Variants in COL23A1 observed in about 807,000 individuals in gnomAD.
COL23A1 encodes collagen alpha-1(XXIII) chain.
In COL23A1, 97 loss-of-function variants were observed where a neutral mutation model predicts 99.3. The ratio of observed to expected loss-of-function variants is 0.98; its 90% CI spans 0.83 to 1.16. COL23A1 has a LOEUF of 1.16. COL23A1 is among the 50% of genes most tolerant of loss of function. The pLI, the probability that COL23A1 is intolerant of heterozygous loss-of-function variation, is 0.00. For synonymous variants in COL23A1, 320 were observed against 308.2 expected (o/e 1.04, Z -0.40); for missense variants, 762 against 757.4 (o/e 1.01, Z -0.07).
intron 2 of COL23A1, among the ~76,000 whole-genome samples, chr5:178,375,338 G>A (rs1561916005): frequency 2.0e-5 from 3 of 152,190 alleles, no homozygotes; most frequent in Admixed American, 6.5e-5. Context: ...GTCCTAAAAC[G>A]GACATCTCTC....
chr5:178,334,374 C>T (rs183690975), intron 2 of COL23A1, among the ~76,000 whole-genome samples: 2 of 152,362 alleles, frequency 1.3e-5, no homozygotes, highest in Admixed American at 1.3e-4. Context: ...TGCCCTTTTG[C>T]CGAAAGAAAT....
chr5:178,529,945 T>C (rs1399058708), intron 2 of COL23A1, among the ~76,000 whole-genome samples: 2 of 152,240 alleles, frequency 1.3e-5, no homozygotes, highest in African/African-American at 2.4e-5. Context: ...AGGTATTGTT[T>C]ACTTTTAAGA....
rs546766154 is a variant in COL23A1 at position 178,400,493 on chromosome 5, A to G, written c.362-93574T>C. On this transcript the variant is annotated intron_variant, in intron 2 of 28. Transcript: ENST00000390654. Reference sequence around the variant, plus strand: ...AGCCCCAAACTCCCTCGTCCTCTGTAGGAGGATCTGTTCTCTGTTTCTATA... The same window carrying G: ...AGCCCCAAACTCCCTCGTCCTCTGTGGGAGGATCTGTTCTCTGTTTCTATA... 1.1e-4 allele frequency among the ~76,000 whole-genome samples: 17 copies of G among 150,562 alleles called. No homozygotes were observed. In the East Asian group the frequency reaches 2.9e-3, roughly 26 times the overall value.
chr5:178,460,739 T>G (rs1756074778), intron 2 of COL23A1, among the ~76,000 whole-genome samples: 1 of 152,144 alleles, frequency 6.6e-6, no homozygotes, highest in African/African-American at 2.4e-5. Context: ...CCTGTTCCCC[T>G]GGCATGCATG....
intron 2 of COL23A1, among the ~76,000 whole-genome samples, chr5:178,319,426 T>C (rs1345414516): frequency 6.6e-6 from 1 of 152,078 alleles, no homozygotes; most frequent in African/African-American, 2.4e-5. Flanking sequence ...AAAAGGTCAT[T>C]CGTGTGAGCT....
At chr5:178,257,500 C>A (rs191580396) in intron 13 of COL23A1, 23 bp downstream of exon 13, 36 of 1,564,198 alleles carry the variant, frequency 2.3e-5, no homozygotes, top group Non-Finnish European at 3.0e-5. Context: ...CAGGGGGCCA[C>A]GAGAGGAGGG....
intron 2 of COL23A1, among the ~76,000 whole-genome samples, chr5:178,458,168 T>TAAAAACAGAACTCAGTGGA (rs1755903335): frequency 4.1e-3 from 11 of 2,676 alleles, no homozygotes; most frequent in Non-Finnish European, 6.7e-3. Context: ...GCGATTGACC[T>TAAAAACAGAACTCAGTGGA]CACTTCTGGA....
At chr5:178,496,615 G>A (rs1049956774) in intron 2 of COL23A1, among the ~76,000 whole-genome samples, 6 of 152,106 alleles carry the variant, frequency 3.9e-5, no homozygotes, top group Non-Finnish European at 7.3e-5. Flanking sequence ...GAGCTATTTA[G>A]GTAGATATGC....
intron 2 of COL23A1, among the ~76,000 whole-genome samples, chr5:178,509,951 C>T (rs1386312803): frequency 1.3e-5 from 2 of 152,146 alleles, no homozygotes; most frequent in African/African-American, 2.4e-5. Flanking sequence ...GTAAAGCTCA[C>T]GGGGGGCTGA....
intron 2 of COL23A1, among the ~76,000 whole-genome samples, chr5:178,514,957 G>GTTCCAA (rs1436741748): frequency 6.6e-6 from 1 of 152,232 alleles, no homozygotes; most frequent in Admixed American, 6.5e-5. Context: ...TTCTGCTGAG[G>GTTCCAA]TTCCAACTTA....
At chr5:178,318,590 G>C (rs1296176140) in intron 2 of COL23A1, among the ~76,000 whole-genome samples, 2 of 152,220 alleles carry the variant, frequency 1.3e-5, no homozygotes, top group East Asian at 3.9e-4. Flanking sequence ...AGGAAGGGGA[G>C]GGGTGGGGCG....
chr5:178,261,583 T>C (rs959991263), intron 11 of COL23A1, 139 bp downstream of exon 11: 4 of 660,054 alleles, frequency 6.1e-6, no homozygotes, highest in African/African-American at 1.8e-5. Flanking sequence ...AACTTGCCCA[T>C]GGTCCAGGAA....
chr5:178,365,413 C>T lies in COL23A1; in HGVS notation c.362-58494G>A, dbSNP rs1049138210. ...AGCTTCCCACTGGCCTCCTCCCTCC[C>T]GGACACTCACGCATTTCAGGTCTGA... On this transcript the variant is annotated intron_variant, in intron 2 of 28. Coordinates refer to ENST00000390654, the MANE Select transcript of COL23A1 (RefSeq NM_173465.4). This position sits in a 1 kb window ranked among gnomAD's most constrained non-coding sequence, Gnocchi z 5.2. Among the ~76,000 whole-genome samples the T allele has an allele frequency of 2.0e-5, 3 of 152,084 alleles. No homozygotes were observed. The highest frequency in any genetic ancestry group is 6.5e-5 in the Admixed American group (1 of 15,272).
At position 178,581,223 on chromosome 5, in the gene COL23A1, C is replaced by T. The variant is rs139800283; in HGVS notation, c.294+8681G>A. ...AATTTCATAATGGTCCCACAGCTTC[C>T]GAATACCACAGGAGGAGAAACCTGT... On this transcript the variant is annotated intron_variant, in intron 1 of 28. Coordinates refer to ENST00000390654, the MANE Select transcript of COL23A1 (RefSeq NM_173465.4). Among the ~76,000 whole-genome samples the T allele has an allele frequency of 6.2e-4, 94 of 152,284 alleles. 1 individual carries two copies. Among genetic ancestry groups the T allele is most frequent in the Non-Finnish European group, 4.1e-4 (28 of 68,028 alleles).
At chr5:178,505,160 T>C (rs977618792) in intron 2 of COL23A1, among the ~76,000 whole-genome samples, 8 of 152,168 alleles carry the variant, frequency 5.3e-5, no homozygotes, top group African/African-American at 1.2e-4. Context: ...CTCGAAATCG[T>C]GGCGTTCCTT....
Position 178,291,910 on chromosome 5 carries a change from G to C in COL23A1, c.407-1541C>G, listed in dbSNP as rs540254838. On this transcript the variant is annotated intron_variant, in intron 3 of 28. Coordinates refer to ENST00000390654, the MANE Select transcript of COL23A1 (RefSeq NM_173465.4). ...GGGGACAGTGCTTTCCCCAAGTCTA[G>C]ATCAGGGCGGAACAGAGCAAGATGC... Among the ~76,000 whole-genome samples, 9 of 152,214 alleles carry C rather than the reference G, an allele frequency of 5.9e-5. No homozygotes were observed. The South Asian group carries it at 1.5e-3, about 25-fold the overall frequency.
intron 2 of COL23A1, chr5:178,523,560 C>T (rs1216295442): frequency 6.6e-6 from 1 of 152,122 alleles, no homozygotes; most frequent in Non-Finnish European, 1.5e-5. Context: ...CTCCAAAGCT[C>T]TGCGCCTGTC....
rs117604973 is a variant in COL23A1 at position 178,240,767 on chromosome 5, G to C, written c.1581+1275C>G. On this transcript the variant is annotated intron_variant, in intron 27 of 28. Coordinates refer to ENST00000390654, the MANE Select transcript of COL23A1 (RefSeq NM_173465.4). ...GGAACAGAGGCCAGAGGTCTGGGAG[G>C]GGGTCTCTAACTCTGGCACCGCTGG... is the stretch of plus-strand genomic sequence containing the variant. 5.8e-4 allele frequency among the ~76,000 whole-genome samples: 89 copies of C among 152,332 alleles called. No homozygotes were observed. In the East Asian group the frequency reaches 0.015, roughly 25 times the overall value.
rs771683953 is a variant in COL23A1, at chr5:178,309,014, C to T, written c.362-2095G>A. On this transcript the variant is annotated intron_variant, in intron 2 of 28. Transcript: ENST00000390654. The surrounding 1 kb of genome is among the most constrained non-coding windows in gnomAD (Gnocchi z 4.7). Reference sequence around the variant, plus strand: ...GCTCGGCCCAGCGAAGCAGTAGGCCCCGGGCCCCAGGCAGAGTGAGGGGGC... The same window carrying T: ...GCTCGGCCCAGCGAAGCAGTAGGCCTCGGGCCCCAGGCAGAGTGAGGGGGC... Among the ~76,000 whole-genome samples, 2 of 152,198 alleles carry T rather than the reference C, an allele frequency of 1.3e-5. No homozygotes were observed. The highest frequency in any genetic ancestry group is 2.9e-5 in the Non-Finnish European group (2 of 68,028).
Sources: gnomAD v4.1 joint callset for allele counts (sites outside exome capture counted in the v4.1 genomes callset) on GRCh38, gnomAD v4.1.1 for gene constraint, Gnocchi (gnomAD v3.1) non-coding constraint, MANE v1.5 for transcripts, NCBI Gene and HGNC (gene_info 2026-07-23, HGNC 2026-07-21) for gene names.